Variants in NDUFA5 observed in about 807,000 individuals in gnomAD.
The protein encoded by NDUFA5 is NADH:ubiquinone oxidoreductase subunit A5.
NDUFA5 carries 11 observed loss-of-function variants against 19.8 expected under a neutral mutation model. The ratio of observed to expected loss-of-function variants is 0.56; its 90% CI spans 0.35 to 0.92. NDUFA5 has a LOEUF of 0.92. Among genes scored for constraint, NDUFA5 ranks in the 40% least tolerant of loss-of-function variants. The pLI, the probability that NDUFA5 is intolerant of heterozygous loss-of-function variation, is 0.01. For missense variants in NDUFA5, 109 were observed against 134.2 expected, an observed-to-expected ratio of 0.81 and a Z score of 0.93; for synonymous variants, 47 against 46.8, an observed-to-expected ratio of 1.00 and a Z score of -0.01.
chr7:123,573,978 G>A, the NDUFA5 span, among the ~76,000 whole-genome samples: 2 of 151,890 alleles, frequency 1.3e-5, no homozygotes, highest in Non-Finnish European at 2.9e-5. Flanking sequence ...TCATTAGGTC[G>A]CTTTTATAAA....
At chr7:123,577,498 TA>T in the NDUFA5 span, among the ~76,000 whole-genome samples, 3 of 152,330 alleles carry the variant, frequency 2.0e-5, no homozygotes, top group African/African-American at 7.2e-5. Flanking sequence ...CTTCAGTTTT[TA>T]TTCAGATCGA....
chr7:123,564,678 T>A, the NDUFA5 span, among the ~76,000 whole-genome samples: 1 of 151,528 alleles, frequency 6.6e-6, no homozygotes, highest in Non-Finnish European at 1.5e-5. Context: ...CAAGTTACAA[T>A]GTTTTGACTT....
the NDUFA5 span, among the ~76,000 whole-genome samples, chr7:123,580,619 T>C: frequency 6.6e-6 from 1 of 151,966 alleles, no homozygotes; most frequent in African/African-American, 2.4e-5. Context: ...CTTTGTGCAG[T>C]TTGGAAAATT....
At chr7:123,594,737 G>A in the NDUFA5 span, among the ~76,000 whole-genome samples, 1 of 152,252 alleles carries the variant, frequency 6.6e-6, no homozygotes, top group Admixed American at 6.5e-5. Flanking sequence ...GCTACACGGG[G>A]GTCAGGGACC....
the NDUFA5 span, among the ~76,000 whole-genome samples, chr7:123,581,931 T>C: frequency 6.6e-6 from 1 of 152,050 alleles, no homozygotes; most frequent in East Asian, 1.9e-4. Flanking sequence ...AGCAAATGGA[T>C]TGACTAGCAA....
chr7:123,580,467 C>A, the NDUFA5 span, among the ~76,000 whole-genome samples: 2 of 151,934 alleles, frequency 1.3e-5, no homozygotes, highest in Non-Finnish European at 2.9e-5. Context: ...AGTTATGTGG[C>A]CTTAGGCAAT....
At chr7:123,570,211 AT>A in the NDUFA5 span, among the ~76,000 whole-genome samples, 2 of 150,974 alleles carry the variant, frequency 1.3e-5, no homozygotes, top group Non-Finnish European at 3.0e-5. Flanking sequence ...ATTTTTTTGT[AT>A]TTTTTAGTAG....
At chr7:123,580,270 C>T in the NDUFA5 span, among the ~76,000 whole-genome samples, 4 of 151,992 alleles carry the variant, frequency 2.6e-5, no homozygotes, top group Non-Finnish European at 5.9e-5. Flanking sequence ...AGATGAAGTC[C>T]TCAGGTGCAT....
the NDUFA5 span, among the ~76,000 whole-genome samples, chr7:123,579,321 C>A: frequency 2.4e-4 from 36 of 151,920 alleles, 1 homozygote; most frequent in Non-Finnish European, 4.7e-4. Flanking sequence ...GATAAAAATA[C>A]TTTCTTAGTT....
Position 123,540,636 on chromosome 7 carries a change from C to G in NDUFA5, c.*1483G>C, listed in dbSNP as rs1156441021. 1 of 152,028 alleles carries G rather than the reference C, an allele frequency of 6.6e-6. No individual in the cohort carries two copies. Among genetic ancestry groups the G allele is most frequent in the East Asian group, 1.9e-4 (1 of 5,194 alleles). The allele number at this position is 152,028 out of a possible 1,614,324, so 9.4% of individuals were successfully genotyped here. ...ATTAGAAATAGGCCATTCTGAGAAA[C>G]AGGCCAAACTTGCCTCAATGTAGTC... On this transcript the variant is annotated 3_prime_UTR_variant, in exon 5 of 5. Coordinates refer to ENST00000355749, the MANE Select transcript of NDUFA5 (RefSeq NM_005000.5).
the NDUFA5 span, among the ~76,000 whole-genome samples, chr7:123,578,806 A>G: frequency 6.6e-6 from 1 of 152,124 alleles, no homozygotes; most frequent in Non-Finnish European, 1.5e-5. Context: ...CTATTTTATA[A>G]AGTCTTATTT....
the NDUFA5 span, among the ~76,000 whole-genome samples, chr7:123,599,806 T>C: frequency 1.3e-5 from 2 of 152,288 alleles, no homozygotes; most frequent in African/African-American, 4.8e-5. Flanking sequence ...GTCAGTGTCA[T>C]TTTGTATACC....
upstream of NDUFA5, among the ~76,000 whole-genome samples, chr7:123,560,347 A>G (rs1449803226): frequency 6.6e-6 from 1 of 152,246 alleles, no homozygotes. Flanking sequence ...AGGCAAGAAA[A>G]TAAAATGAAT....
chr7:123,540,890 G>GCGCGCGCGCACACACACACACACACA lies in NDUFA5; in HGVS notation c.*1228_*1229insTGTGTGTGTGTGTGTGTGCGCGCGCG, dbSNP rs766305834. The GCGCGCGCGCACACACACACACACACA allele has an allele frequency of 1.5e-5, 2 of 133,908 alleles. No homozygotes were observed. The highest frequency in any genetic ancestry group is 2.2e-4 in the East Asian group (1 of 4,526). The allele number at this position is 133,908 out of a possible 1,614,324, so 8.3% of individuals were successfully genotyped here. On this transcript the variant is annotated 3_prime_UTR_variant, in exon 5 of 5. Transcript: ENST00000355749. ...TCTGAGCAAATGTGCGCATGCGCGT[G>GCGCGCGCGCACACACACACACACACA]CACACACACACACACACACACACAC...
At chr7:123,567,862 C>T in the NDUFA5 span, among the ~76,000 whole-genome samples, 9 of 151,870 alleles carry the variant, frequency 5.9e-5, no homozygotes, top group Admixed American at 4.6e-4. Flanking sequence ...TTAAAATAGA[C>T]GAAAATATTC....
At chr7:123,558,014 T>C (rs570101486), upstream of NDUFA5, 79 of 715,570 alleles carry the variant, frequency 1.1e-4, no homozygotes, top group Middle Eastern at 7.6e-4. Flanking sequence ...TAGAAGACGA[T>C]TGGGGAAAGA....
the NDUFA5 span, among the ~76,000 whole-genome samples, chr7:123,583,766 T>A: frequency 2.0e-5 from 3 of 151,826 alleles, no homozygotes; most frequent in African/African-American, 7.3e-5. Context: ...AACATCTTCA[T>A]AATATACTGA....
chr7:123,573,188 G>A, the NDUFA5 span, among the ~76,000 whole-genome samples: 1 of 151,508 alleles, frequency 6.6e-6, no homozygotes, highest in African/African-American at 2.4e-5. Context: ...TCTCCCCACA[G>A]GCAAGAGTTA....
the NDUFA5 span, among the ~76,000 whole-genome samples, chr7:123,585,835 C>T: frequency 6.6e-6 from 1 of 151,760 alleles, no homozygotes; most frequent in Non-Finnish European, 1.5e-5. Context: ...CAGTATTTGT[C>T]TTTCTGTTAC....
Sources: gnomAD v4.1 joint callset for allele counts (sites outside exome capture counted in the v4.1 genomes callset) on GRCh38, gnomAD v4.1.1 for gene constraint, MANE v1.5 for transcripts, NCBI Gene and HGNC (gene_info 2026-07-23, HGNC 2026-07-21) for gene names.